The following NOC3L variants were observed in gnomAD, a reference collection of about 807,000 sequenced individuals.
NOC3L encodes the protein NOC3 like DNA replication regulator, also known as nucleolar complex protein 3 homolog.
A neutral mutation model predicts 102.5 loss-of-function variants in NOC3L; 85 were observed. That is an observed-to-expected ratio of 0.83 (90% CI 0.70 to 0.99). NOC3L has a LOEUF of 0.99. Among genes scored for constraint, NOC3L ranks in the 50% least tolerant of loss-of-function variants. The pLI is 0.00. For synonymous variants in NOC3L, 303 were observed against 309.4 expected (o/e 0.98, Z 0.22); for missense variants, 878 against 914.9 (o/e 0.96, Z 0.52).
At chr10:94,347,528 T>G (rs187178234) in intron 10 of NOC3L, among the ~76,000 whole-genome samples, 1 of 152,346 alleles carries the variant, frequency 6.6e-6, no homozygotes, top group African/African-American at 2.4e-5. Context: ...TAAGTAAAGA[T>G]GCTAAATATG....
chr10:94,324,017 T>C, the NOC3L span, among the ~76,000 whole-genome samples: 8 of 152,336 alleles, frequency 5.3e-5, no homozygotes, highest in Admixed American at 3.9e-4. Context: ...CGCTGGTACA[T>C]GCAGAAAATC....
In NOC3L at chr10:94,334,484, G is replaced by T. The variant is rs1221715461; in HGVS notation, c.2274+150C>A. The T allele has an allele frequency of 1.0e-5, 7 of 669,934 alleles. No individual in the cohort carries two copies. The East Asian group carries it at 1.1e-4, about 10-fold the overall frequency. 41.5% of individuals were successfully genotyped at this position (669,934 alleles called of 1,614,324 possible). On this transcript the variant is annotated intron_variant, in intron 20 of 20. Coordinates refer to ENST00000371361, the MANE Select transcript of NOC3L (RefSeq NM_022451.11). The stretch of plus-strand genomic sequence containing the variant: ...GAACAGTTTCATGATCATCTCTATA[G>T]AATTTCAACCTCAGAAATCCATCCT...
At chr10:94,354,916 T>A (rs2054465042) in intron 6 of NOC3L, 47 bp downstream of exon 6, 1 of 1,570,666 alleles carries the variant, frequency 6.4e-7, no homozygotes, top group African/African-American at 1.4e-5. Context: ...ATTAGGCATT[T>A]ACACCATACC....
intron 13 of NOC3L, among the ~76,000 whole-genome samples, chr10:94,342,733 A>G (rs1455108308): frequency 1.3e-5 from 2 of 151,488 alleles, no homozygotes; most frequent in African/African-American, 4.8e-5. Context: ...CAAAACCAAA[A>G]AAAAAAAAAA....
chr10:94,352,245 T>C, intron 8 of NOC3L, 65 bp downstream of exon 8: 1 of 1,110,768 alleles, frequency 9.0e-7, no homozygotes, highest in Non-Finnish European at 1.4e-6. Flanking sequence ...CAGAACACTG[T>C]ACAGAATTCA....
In NOC3L at chr10:94,346,526, T is replaced by G. The variant is rs765905552; in HGVS notation, c.1288A>C (p.Lys430Gln). Reference protein sequence around the residue: ...MLKTFLCLRIKEVEVKKDTED... With the variant: ...MLKTFLCLRIQEVEVKKDTED... ...GTATCTTTTTTCACTTCTACTTCCT[T>G]GATTCTTAGGCATAAAAATGTTTTT... Residue 430 changes from lysine (K) to glutamine (Q), a missense_variant, in exon 11 of 21, where the codon AAG becomes CAG. Transcript: ENST00000371361. 1 of 1,435,078 alleles carries G rather than the reference T, an allele frequency of 7.0e-7. No homozygotes were observed. The highest frequency in any genetic ancestry group is 1.4e-5 in the South Asian group (1 of 72,890). The allele number at this position is 1,435,078 out of a possible 1,614,324, so 88.9% of individuals were successfully genotyped here.
the NOC3L span, among the ~76,000 whole-genome samples, chr10:94,318,907 G>C: frequency 1.3e-5 from 2 of 152,164 alleles, no homozygotes; most frequent in Non-Finnish European, 2.9e-5. Context: ...AATTAGCAGG[G>C]CGTGGTAGCA....
At chr10:94,329,776 CAAAAAAAAAAAAAAAAAA>C (rs71031569), downstream of NOC3L, 22 of 37,950 alleles carry the variant, frequency 5.8e-4, no homozygotes, top group Admixed American at 2.1e-3. Flanking sequence ...GACTCCGTCT[CAAAAAAAAAAAAAAAAAA>C]AAAAAAAAAA....
chr10:94,361,593 A>C, intron 2 of NOC3L, 72 bp downstream of exon 2: 2 of 1,473,864 alleles, frequency 1.4e-6, no homozygotes, highest in Non-Finnish European at 1.9e-6. Context: ...ACTAGAAAGC[A>C]AAGTTATTTC....
intron 1 of NOC3L, among the ~76,000 whole-genome samples, chr10:94,362,333 A>G (rs1253925924): frequency 6.6e-6 from 1 of 152,240 alleles, no homozygotes; most frequent in Non-Finnish European, 1.5e-5. Context: ...CAAAAGACCC[A>G]TAAACTAAGG....
At chr10:94,327,311 A>G in the NOC3L span, among the ~76,000 whole-genome samples, 7 of 151,214 alleles carry the variant, frequency 4.6e-5, no homozygotes, top group African/African-American at 1.7e-4. Context: ...TTTAGAGTTT[A>G]GGACCAGGCA....
chr10:94,347,179 A>G (rs1202721741), intron 10 of NOC3L, among the ~76,000 whole-genome samples: 1 of 152,196 alleles, frequency 6.6e-6, no homozygotes, highest in Admixed American at 6.5e-5. Flanking sequence ...GCACAGCAGC[A>G]TTCCTGGAAA....
At position 94,345,644 on chromosome 10, in the gene NOC3L, G is replaced by A. The variant is rs115529488; in HGVS notation, c.1390-711C>T. Reference sequence around the variant, plus strand: ...AACAGAGCTATCCAACCTGCATTAGGATAGTATAATATAAATAGTTAAAAT... The same window carrying A: ...AACAGAGCTATCCAACCTGCATTAGAATAGTATAATATAAATAGTTAAAAT... On this transcript the variant is annotated intron_variant, in intron 11 of 20. Transcript: ENST00000371361. 1.7e-3 allele frequency among the ~76,000 whole-genome samples: 255 copies of A among 152,134 alleles called. 1 individual carries two copies. The highest frequency in any genetic ancestry group is 5.9e-3 in the African/African-American group (247 of 41,540).
In NOC3L at chr10:94,334,170, T is replaced by C; in HGVS notation, c.*7A>G. The C allele has an allele frequency of 8.3e-7, 1 of 1,211,694 alleles. No homozygotes were observed. Among genetic ancestry groups the C allele is most frequent in the Non-Finnish European group, 1.2e-6 (1 of 820,230 alleles). 75.1% of individuals were successfully genotyped at this position (1,211,694 alleles called of 1,614,324 possible). On this transcript the variant is annotated 3_prime_UTR_variant, in exon 21 of 21. Coordinates refer to ENST00000371361, the MANE Select transcript of NOC3L (RefSeq NM_022451.11). ...ATACAAGAAAGTCCACTGACTTCAT[T>C]CCTCTACTAGTGTAGTGATGTTTTC...
At chr10:94,345,147 G>A (rs920818668) in intron 11 of NOC3L, among the ~76,000 whole-genome samples, 15 of 152,132 alleles carry the variant, frequency 9.9e-5, no homozygotes, top group African/African-American at 3.4e-4. Flanking sequence ...GAATGAGATT[G>A]GAGAGAGAAA....
chr10:94,356,243 T>C lies in NOC3L; in HGVS notation c.565+292A>G, dbSNP rs147691434. 3.6e-3 allele frequency among the ~76,000 whole-genome samples: 529 copies of C among 148,440 alleles called. 1 individual carries two copies. The highest frequency in any genetic ancestry group is 0.012 in the African/African-American group (504 of 41,336). On this transcript the variant is annotated intron_variant, in intron 5 of 20. Transcript: ENST00000371361. ...GTTAACAGTTATTTGTAAGTAGTCTTTCTCTTACAATTAAAAGGAATTCAG... is the reference window on the plus strand; with the variant it reads ...GTTAACAGTTATTTGTAAGTAGTCTCTCTCTTACAATTAAAAGGAATTCAG...
In NOC3L at chr10:94,355,063, G is replaced by A. The variant is rs753130881; in HGVS notation, c.596C>T (p.Thr199Ile). ...EIIEDPIQEL[T>I]IEEHLIERKK... ...TCTCTCAATCAAATGTTCTTCTATGGTCAGCTCTTGAATAGGATCTTCAAT... is the reference window on the plus strand; with the variant it reads ...TCTCTCAATCAAATGTTCTTCTATGATCAGCTCTTGAATAGGATCTTCAAT... Residue 199 changes from threonine (T) to isoleucine (I), a missense_variant, in exon 6 of 21, where the codon ACC becomes ATC. By Grantham distance (89) the Thr-to-Ile change is moderately conservative (BLOSUM62 -1). Coordinates refer to ENST00000371361, the MANE Select transcript of NOC3L (RefSeq NM_022451.11). 1 of 1,612,176 alleles carries A rather than the reference G, an allele frequency of 6.2e-7. No individual in the cohort carries two copies. The highest frequency in any genetic ancestry group is 8.5e-7 in the Non-Finnish European group (1 of 1,179,070).
the NOC3L span, chr10:94,315,027 T>C: frequency 5.9e-6 from 1 of 169,494 alleles, no homozygotes; most frequent in Non-Finnish European, 1.3e-5. Flanking sequence ...TCCATTGCTT[T>C]ACTGTCACCC....
At chr10:94,324,942 G>T in the NOC3L span, 1 of 1,614,170 alleles carries the variant, frequency 6.2e-7, no homozygotes, top group South Asian at 1.1e-5. Flanking sequence ...GTGAACTCAA[G>T]AAGCTCACCA....
Sources: allele counts gnomAD v4.1 joint callset (sites outside exome capture counted in the v4.1 genomes callset), GRCh38; gene constraint gnomAD v4.1.1; transcripts MANE v1.5; gene names NCBI Gene and HGNC (gene_info 2026-07-23, HGNC 2026-07-21).